The following PDE1C variants were observed in gnomAD, a reference collection of about 807,000 sequenced individuals.
PDE1C encodes dual specificity calcium/calmodulin-dependent 3',5'-cyclic nucleotide phosphodiesterase 1C.
In PDE1C, 62 loss-of-function variants were observed where a neutral mutation model predicts 93.1. The observed-to-expected ratio is 0.67, with a 90% confidence interval of 0.54 to 0.82. The LOEUF (loss-of-function observed/expected upper bound fraction) is 0.82. PDE1C is among the 40% of genes least tolerant of loss of function. The pLI is 0.00. For missense variants in PDE1C, 742 were observed against 884.6 expected, an observed-to-expected ratio of 0.84 and a Z score of 2.04; for synonymous variants, 325 against 310.1, an observed-to-expected ratio of 1.05 and a Z score of -0.50.
intron 1 of PDE1C, among the ~76,000 whole-genome samples, chr7:32,239,749 A>G (rs975317568): frequency 6.6e-6 from 1 of 152,206 alleles, no homozygotes; most frequent in Admixed American, 6.5e-5. Flanking sequence ...AGCTCTGACT[A>G]TATTTGTAAT....
intron 12 of PDE1C, among the ~76,000 whole-genome samples, chr7:31,825,214 TAC>T (rs1284707873): frequency 6.6e-6 from 1 of 152,194 alleles, no homozygotes; most frequent in African/African-American, 2.4e-5. Context: ...CTAAGAAATA[TAC>T]ACTCAACACC....
intron 14 of PDE1C, chr7:31,820,847 A>C (rs529298855): frequency 4.5e-4 from 68 of 152,246 alleles, no homozygotes; most frequent in African/African-American, 1.6e-3. Flanking sequence ...ATTTGCATAC[A>C]TAACAGCTAC....
At chr7:31,702,248 T>A in the PDE1C span, among the ~76,000 whole-genome samples, 1 of 151,702 alleles carries the variant, frequency 6.6e-6, no homozygotes, top group Non-Finnish European at 1.5e-5. Context: ...TGTTCCCAAA[T>A]AAGACAAGAA....
intron 1 of PDE1C, among the ~76,000 whole-genome samples, chr7:32,308,150 A>G (rs1813065487): frequency 6.6e-6 from 1 of 152,224 alleles, no homozygotes; most frequent in Admixed American, 6.5e-5. Flanking sequence ...CAACAGTCTG[A>G]GATCAAACTG....
chr7:32,410,073 T>C (rs750715082), intron 1 of PDE1C, among the ~76,000 whole-genome samples: 2 of 152,152 alleles, frequency 1.3e-5, no homozygotes, highest in Non-Finnish European at 2.9e-5. Context: ...CATATGATTA[T>C]ATATCTGGAA....
rs530714936 is a variant in PDE1C, at chr7:32,017,845, G to A, written c.128+33709C>T. On this transcript the variant is annotated intron_variant, in intron 2 of 17. Coordinates refer to ENST00000396191, the MANE Select transcript of PDE1C (RefSeq NM_001191057.4). Reference sequence around the variant, plus strand: ...TGTAATCCCAGCACTTTGGGAGGCTGAGGATGGTGGATTGCTTGAGTCCAA... The same window carrying A: ...TGTAATCCCAGCACTTTGGGAGGCTAAGGATGGTGGATTGCTTGAGTCCAA... 3.3e-5 allele frequency among the ~76,000 whole-genome samples: 5 copies of A among 152,208 alleles called. No homozygotes were observed. In the South Asian group the frequency reaches 8.3e-4, roughly 25 times the overall value.
chr7:32,222,472 A>C (rs925324708), intron 1 of PDE1C, among the ~76,000 whole-genome samples: 1 of 152,180 alleles, frequency 6.6e-6, no homozygotes, highest in Non-Finnish European at 1.5e-5. Flanking sequence ...ATGGAGATGG[A>C]CCATGCTGCT....
At chr7:32,298,864 C>A (rs1342582473) in exon 1 of PDE1C, 3 of 1,379,632 alleles carry the variant, frequency 2.2e-6, no homozygotes, top group Non-Finnish European at 2.8e-6. Context: ...TCACTCTCAG[C>A]CCCGCCGCGC....
intron 1 of PDE1C, among the ~76,000 whole-genome samples, chr7:32,292,219 C>T (rs566805194): frequency 3.1e-4 from 47 of 152,134 alleles, no homozygotes; most frequent in Non-Finnish European, 5.6e-4. Context: ...TTTAGGACTA[C>T]ATTGAAATGA....
At chr7:32,285,313 C>A (rs759246277) in intron 1 of PDE1C, among the ~76,000 whole-genome samples, 12 of 152,264 alleles carry the variant, frequency 7.9e-5, no homozygotes, top group Middle Eastern at 3.4e-3. Context: ...AAATGTTATA[C>A]AATAATTTAC....
intron 3 of PDE1C, among the ~76,000 whole-genome samples, chr7:32,161,245 T>C (rs2128798003): frequency 1.3e-5 from 2 of 152,296 alleles, no homozygotes; most frequent in South Asian, 4.1e-4. Flanking sequence ...TGGGATGTGC[T>C]ACCATGGGCC....
At chr7:32,151,261 A>G (rs1323219084) in intron 3 of PDE1C, among the ~76,000 whole-genome samples, 1 of 152,152 alleles carries the variant, frequency 6.6e-6, no homozygotes, top group African/African-American at 2.4e-5. Flanking sequence ...ACTCCCCAAG[A>G]CAAAGATATT....
At chr7:32,174,019 C>T (rs1334461412) in intron 2 of PDE1C, among the ~76,000 whole-genome samples, 2 of 152,144 alleles carry the variant, frequency 1.3e-5, no homozygotes, top group Non-Finnish European at 2.9e-5. Context: ...TCCTCAAACC[C>T]CTGAAAGACA....
rs1378461512 is a variant in PDE1C, at chr7:31,823,098, C to A, written c.1557G>T (p.Glu519Asp). 1 of 1,612,314 alleles carries A rather than the reference C, an allele frequency of 6.2e-7. No individual in the cohort carries two copies. Among genetic ancestry groups the A allele is most frequent in the Non-Finnish European group, 8.5e-7 (1 of 1,179,042 alleles). Residue 519 changes from glutamate to aspartate, a missense_variant, in exon 14 of 18, where the codon GAG becomes GAT. Around this residue, in one of 4 missense-constraint regions of PDE1C, gnomAD observed 454 missense variants for 459.4 expected, o/e 0.99. Transcript: ENST00000396191. ...TWTEVVHINR[E>D]RWRAKVPKEE... ...CTTTGGGTACCTTGGCCCTCCATCTCTCCCGATTGATGTGCACCACTTCCG... is the reference window on the plus strand; with the variant it reads ...CTTTGGGTACCTTGGCCCTCCATCTATCCCGATTGATGTGCACCACTTCCG...
At chr7:32,202,020 C>T (rs1396286541) in intron 2 of PDE1C, among the ~76,000 whole-genome samples, 1 of 152,178 alleles carries the variant, frequency 6.6e-6, no homozygotes, top group African/African-American at 2.4e-5. Context: ...GTCAGAAGAA[C>T]ACCACCATCC....
At chr7:31,867,143 G>A (rs981397198) in intron 6 of PDE1C, among the ~76,000 whole-genome samples, 1 of 152,066 alleles carries the variant, frequency 6.6e-6, no homozygotes, top group Non-Finnish European at 1.5e-5. Context: ...CTCCAGGGAT[G>A]AAGTATGAAC....
At chr7:31,943,171 G>A (rs1422971956) in intron 2 of PDE1C, among the ~76,000 whole-genome samples, 1 of 152,100 alleles carries the variant, frequency 6.6e-6, no homozygotes, top group Non-Finnish European at 1.5e-5. Flanking sequence ...TGAGCTTCAG[G>A]GTACAGGTTG....
upstream of PDE1C, among the ~76,000 whole-genome samples, chr7:32,303,922 T>G (rs1812937353): frequency 6.6e-5 from 10 of 152,234 alleles, no homozygotes; most frequent in Admixed American, 6.5e-4. Flanking sequence ...AATTAAATTC[T>G]TGTTTTGCAT....
the PDE1C span, among the ~76,000 whole-genome samples, chr7:31,709,681 C>T: frequency 6.6e-6 from 1 of 152,032 alleles, no homozygotes; most frequent in Non-Finnish European, 1.5e-5. Context: ...CATAACCAAC[C>T]CTGGATATCA....
Sources: gnomAD v4.1 joint callset for allele counts (sites outside exome capture counted in the v4.1 genomes callset) on GRCh38, gnomAD v4.1.1 for gene constraint, gnomAD v4.1.1 regional missense constraint, MANE v1.5 for transcripts, NCBI Gene and HGNC (gene_info 2026-07-23, HGNC 2026-07-21) for gene names.